MACROD2: variants seen among roughly 807,000 people sequenced by gnomAD.
MACROD2 encodes ADP-ribose glycohydrolase MACROD2.
A neutral mutation model predicts 70.4 loss-of-function variants in MACROD2; 36 were observed. The ratio of observed to expected loss-of-function variants is 0.51; its 90% CI spans 0.39 to 0.68. The LOEUF (loss-of-function observed/expected upper bound fraction) is 0.68, where lower values mean the gene tolerates loss of function less well. Ranked by LOEUF, MACROD2 falls within the 30% of genes least tolerant of loss-of-function variation. The probability of loss-of-function intolerance (pLI) is 0.00; values close to 1 mark genes in which losing one functional copy is unlikely to be tolerated. For missense variants in MACROD2, 496 were observed against 538.4 expected (o/e 0.92, Z 0.78); for synonymous variants, 172 against 178.8 (o/e 0.96, Z 0.30).
At position 14,442,312 on chromosome 20, in the gene MACROD2, A is replaced by G. The variant is rs2084132972; in HGVS notation, c.272-51167A>G. 2.0e-5 allele frequency among the ~76,000 whole-genome samples: 3 copies of G among 152,088 alleles called. No individual in the cohort carries two copies. The South Asian group carries it at 6.2e-4, about 31-fold the overall frequency. ...AAAAAACCCAAAATGAAATACCTGG[A>G]AAAATTGGAAATATATATACATTAT... On this transcript the variant is annotated intron_variant, in intron 3 of 17. Transcript: ENST00000684519.
rs1395198798 is a variant in MACROD2 at position 15,736,322 on chromosome 20, C to T, written c.646-126423C>T. Among the ~76,000 whole-genome samples the T allele has an allele frequency of 2.6e-5, 4 of 152,170 alleles. No individual in the cohort carries two copies. In the South Asian group the frequency reaches 6.2e-4, roughly 24 times the overall value. On this transcript the variant is annotated intron_variant, in intron 8 of 17. Transcript: ENST00000684519. ...AATTAACTGTGGTGGTTTTAGGAAT[C>T]GTTGGCTTGTGGGTCACTAGTATGA...
chr20:15,750,931 GT>G (rs1188658691), intron 8 of MACROD2, among the ~76,000 whole-genome samples: 3 of 148,356 alleles, frequency 2.0e-5, no homozygotes, highest in African/African-American at 7.4e-5. Flanking sequence ...TTGTTTGTTT[GT>G]TTTTTGTTTG....
At chr20:15,110,862 C>G (rs959692869) in intron 5 of MACROD2, among the ~76,000 whole-genome samples, 1 of 152,174 alleles carries the variant, frequency 6.6e-6, no homozygotes, top group South Asian at 2.1e-4. Flanking sequence ...AATACTCAAA[C>G]TCCATTGGCT....
At chr20:14,635,564 G>A (rs1984744777) in intron 4 of MACROD2, among the ~76,000 whole-genome samples, 1 of 152,086 alleles carries the variant, frequency 6.6e-6, no homozygotes, top group Non-Finnish European at 1.5e-5. Context: ...ATTGTATATT[G>A]TGCTGGCAAT....
chr20:14,457,158 C>T (rs948337582), intron 3 of MACROD2, among the ~76,000 whole-genome samples: 2 of 151,976 alleles, frequency 1.3e-5, no homozygotes, highest in Non-Finnish European at 2.9e-5. Context: ...TTTTTTCTTC[C>T]TACTTCTAAT....
chr20:15,211,145 C>T (rs148780256), intron 5 of MACROD2, among the ~76,000 whole-genome samples: 1 of 152,248 alleles, frequency 6.6e-6, no homozygotes, highest in Admixed American at 6.5e-5. Flanking sequence ...TACATTCTGC[C>T]TCTGTGGATT....
intron 8 of MACROD2, among the ~76,000 whole-genome samples, chr20:15,533,022 C>T (rs1463183039): frequency 6.6e-6 from 1 of 152,130 alleles, no homozygotes; most frequent in Non-Finnish European, 1.5e-5. Flanking sequence ...GTTTTTTAAA[C>T]TGCACCATTT....
intron 4 of MACROD2, among the ~76,000 whole-genome samples, chr20:14,656,428 A>C (rs1855262490): frequency 6.6e-6 from 1 of 152,208 alleles, no homozygotes; most frequent in African/African-American, 2.4e-5. Context: ...TTAAGAGAGA[A>C]TCCATGACAC....
chr20:15,702,873 T>C (rs2050480405), intron 8 of MACROD2, among the ~76,000 whole-genome samples: 1 of 152,204 alleles, frequency 6.6e-6, no homozygotes, highest in Non-Finnish European at 1.5e-5. Flanking sequence ...GGCTTTACGT[T>C]ATCCAACTTC....
intron 5 of MACROD2, among the ~76,000 whole-genome samples, chr20:14,912,407 G>C (rs2122599649): frequency 6.6e-6 from 1 of 152,142 alleles, no homozygotes; most frequent in South Asian, 2.1e-4. Context: ...CAAGACAAAG[G>C]GATAATTTAT....
At chr20:15,358,323 A>G (rs1336112920) in intron 6 of MACROD2, among the ~76,000 whole-genome samples, 1 of 152,202 alleles carries the variant, frequency 6.6e-6, no homozygotes, top group Non-Finnish European at 1.5e-5. Flanking sequence ...TTTGAACATG[A>G]AGGAGACTTA....
chr20:15,636,083 A>AG lies in MACROD2; in HGVS notation c.645+136236_645+136237insG, dbSNP rs771470570. Reference sequence around the variant, plus strand: ...CGAGGCTCCCTCTCAAAAGAAAAAAAAAAAAAAAAGAAAGAAAAGAAAAGA... The same window carrying AG: ...CGAGGCTCCCTCTCAAAAGAAAAAAAGAAAAAAAAAGAAAGAAAAGAAAAGA... On this transcript the variant is annotated intron_variant, in intron 8 of 17. Transcript: ENST00000684519. Among the ~76,000 whole-genome samples the AG allele has an allele frequency of 5.0e-3, 703 of 141,864 alleles. 22 individuals are homozygous for AG. The highest frequency in any genetic ancestry group is 0.017 in the African/African-American group (658 of 37,948). 93.1% of individuals were successfully genotyped at this position (141,864 alleles called of 152,430 possible). A position where few individuals can be genotyped will look rare whatever the true frequency, so the allele number is the denominator to read the frequency against.
intron 8 of MACROD2, among the ~76,000 whole-genome samples, chr20:15,726,700 CAT>C (rs1314830792): frequency 6.6e-6 from 1 of 152,018 alleles, no homozygotes; most frequent in Non-Finnish European, 1.5e-5. Context: ...AGCATTTTTT[CAT>C]ATGTTTGTTG....
At chr20:14,294,215 T>TATGCATGTGTGTGTGTTC (rs370746639) in intron 3 of MACROD2, among the ~76,000 whole-genome samples, 4 of 151,566 alleles carry the variant, frequency 2.6e-5, no homozygotes, top group Middle Eastern at 3.4e-3. Context: ...AGTTTGGGTG[T>TATGCATGTGTGTGTGTTC]ATGCATGTGT....
chr20:15,277,390 A>T (rs2077403077), intron 6 of MACROD2, among the ~76,000 whole-genome samples: 1 of 152,340 alleles, frequency 6.6e-6, no homozygotes, highest in East Asian at 1.9e-4. Flanking sequence ...ATTGGTGCTG[A>T]TGAATGAGGT....
At chr20:14,974,942 C>T (rs201583782) in intron 5 of MACROD2, among the ~76,000 whole-genome samples, 2 of 152,082 alleles carry the variant, frequency 1.3e-5, no homozygotes, top group East Asian at 1.9e-4. Flanking sequence ...AAGCTAGACC[C>T]TTGGATAATG....
intron 6 of MACROD2, among the ~76,000 whole-genome samples, chr20:15,238,741 C>G (rs1346822989): frequency 1.3e-5 from 2 of 152,036 alleles, no homozygotes; most frequent in Non-Finnish European, 2.9e-5. Context: ...ACTAGCAAGA[C>G]CAAGAAAACT....
intron 5 of MACROD2, among the ~76,000 whole-genome samples, chr20:14,743,897 G>A (rs982229606): frequency 6.6e-6 from 1 of 152,138 alleles, no homozygotes; most frequent in African/African-American, 2.4e-5. Context: ...CCAAGTCAGA[G>A]GAGAGGGTGA....
chr20:15,705,862 A>G (rs1306648302), intron 8 of MACROD2, among the ~76,000 whole-genome samples: 1 of 152,200 alleles, frequency 6.6e-6, no homozygotes, highest in East Asian at 1.9e-4. Flanking sequence ...ATTCTATAGC[A>G]AACTAACTTT....
Sources: gnomAD v4.1 joint callset for allele counts (sites outside exome capture counted in the v4.1 genomes callset) on GRCh38, gnomAD v4.1.1 for gene constraint, MANE v1.5 for transcripts, NCBI Gene and HGNC (gene_info 2026-07-23, HGNC 2026-07-21) for gene names.